Variants in RAPGEF1 observed in about 807,000 individuals in gnomAD.
RAPGEF1 encodes Rap guanine nucleotide exchange factor 1.
A neutral mutation model predicts 143.3 loss-of-function variants in RAPGEF1; 33 were observed. That is an observed-to-expected ratio of 0.23 (90% CI 0.17 to 0.31). RAPGEF1 has a LOEUF of 0.31. Among genes scored for constraint, RAPGEF1 ranks in the 10% least tolerant of loss-of-function variants. The pLI is 1.00. For synonymous variants in RAPGEF1, 629 were observed against 676.5 expected (o/e 0.93, Z 1.09); for missense variants, 1,199 against 1,645.4 (o/e 0.73, Z 4.69).
intron 1 of RAPGEF1, among the ~76,000 whole-genome samples, chr9:131,680,806 C>A (rs577899840): frequency 1.3e-5 from 2 of 152,270 alleles, no homozygotes; most frequent in Admixed American, 1.3e-4. Context: ...CACTTCACAC[C>A]TCTATATTTC....
At chr9:131,737,411 C>T (rs750512966) in intron 1 of RAPGEF1, 69 of 1,613,724 alleles carry the variant, frequency 4.3e-5, no homozygotes, top group Non-Finnish European at 4.9e-5. Context: ...TCACCTGTGT[C>T]CATGGCAGCA....
intron 15 of RAPGEF1, among the ~76,000 whole-genome samples, chr9:131,599,650 C>T (rs888045588): frequency 1.3e-5 from 2 of 151,928 alleles, no homozygotes; most frequent in African/African-American, 2.4e-5. Flanking sequence ...GTGGGACGGC[C>T]GGGGGTGTCC....
At position 131,739,915 on chromosome 9, in the gene RAPGEF1, G is replaced by C. The variant is rs1275276331; in HGVS notation, c.-85C>G. 1.2e-6 allele frequency: 1 copy of C among 800,870 alleles called. No homozygotes were observed. Among genetic ancestry groups the C allele is most frequent in the East Asian group, 1.3e-4 (1 of 7,874 alleles). 49.6% of individuals were successfully genotyped at this position (800,870 alleles called of 1,614,324 possible). ...CCCTGGCTCGCCACGCCTCAGACCCGCGCCGGCATGGCGGGCTCCGCGCGG... is the reference window on the plus strand; with the variant it reads ...CCCTGGCTCGCCACGCCTCAGACCCCCGCCGGCATGGCGGGCTCCGCGCGG... On this transcript the variant is annotated 5_prime_UTR_variant, in exon 1 of 27. Coordinates refer to ENST00000683357, the MANE Select transcript of RAPGEF1 (RefSeq NM_001377935.1).
At chr9:131,715,967 A>C (rs1835836262) in intron 1 of RAPGEF1, among the ~76,000 whole-genome samples, 1 of 152,022 alleles carries the variant, frequency 6.6e-6, no homozygotes, top group South Asian at 2.1e-4. Flanking sequence ...CTTTCACAGG[A>C]GGCTAGAGGC....
At chr9:131,676,019 G>A (rs974127472) in intron 1 of RAPGEF1, among the ~76,000 whole-genome samples, 6 of 151,808 alleles carry the variant, frequency 4.0e-5, no homozygotes, top group African/African-American at 1.5e-4. Context: ...CTTCCACCTT[G>A]GCCTCTCAAA....
intron 17 of RAPGEF1, among the ~76,000 whole-genome samples, chr9:131,595,619 G>A (rs1955126722): frequency 6.6e-6 from 1 of 152,232 alleles, no homozygotes; most frequent in Admixed American, 6.5e-5. Context: ...CCCCTTGAGG[G>A]CAGGCAGTGA....
chr9:131,636,978 C>T (rs909758656), intron 5 of RAPGEF1, among the ~76,000 whole-genome samples: 3 of 152,204 alleles, frequency 2.0e-5, no homozygotes, highest in Non-Finnish European at 4.4e-5. Flanking sequence ...GTAATCCCAA[C>T]ATTTTGGGAG....
intron 13 of RAPGEF1, 137 bp downstream of exon 13, chr9:131,604,794 G>T: frequency 1.7e-6 from 2 of 1,162,786 alleles, no homozygotes; most frequent in Non-Finnish European, 2.2e-6. Context: ...GCAGGTGTGC[G>T]CTGGCAGCCC....
intron 1 of RAPGEF1, among the ~76,000 whole-genome samples, chr9:131,736,531 G>C (rs1837425482): frequency 6.6e-6 from 1 of 152,224 alleles, no homozygotes; most frequent in Non-Finnish European, 1.5e-5. Flanking sequence ...GCCCCAGCCA[G>C]GCACTGCTGC....
Position 131,628,369 on chromosome 9 carries a change from C to T in RAPGEF1, c.1017+180G>A, listed in dbSNP as rs1247019594. 6.6e-6 allele frequency among the ~76,000 whole-genome samples: 1 copy of T among 152,176 alleles called. No individual in the cohort carries two copies. The highest frequency in any genetic ancestry group is 1.5e-5 in the Non-Finnish European group (1 of 68,026). On this transcript the variant is annotated intron_variant, in intron 8 of 26. Coordinates refer to ENST00000683357, the MANE Select transcript of RAPGEF1 (RefSeq NM_001377935.1). This position sits in a 1 kb window ranked among gnomAD's most constrained non-coding sequence, Gnocchi z 5.7. ...TGCCCTCCCTGCCCTGACCCTTATC[C>T]CCATATGGGAACTTGGACCGTGTCC...
chr9:131,720,309 A>G (rs1836172239), intron 1 of RAPGEF1, among the ~76,000 whole-genome samples: 1 of 152,158 alleles, frequency 6.6e-6, no homozygotes, highest in Non-Finnish European at 1.5e-5. Context: ...TTGTTACGTC[A>G]TCATCATCAT....
chr9:131,612,211 T>G (rs1387577585), intron 12 of RAPGEF1, among the ~76,000 whole-genome samples: 1 of 152,182 alleles, frequency 6.6e-6, no homozygotes, highest in Non-Finnish European at 1.5e-5. Context: ...TATAACTTTA[T>G]CTTAAAACTT....
intron 1 of RAPGEF1, among the ~76,000 whole-genome samples, chr9:131,662,120 C>T (rs1272361116): frequency 6.6e-6 from 1 of 152,180 alleles, no homozygotes; most frequent in African/African-American, 2.4e-5. Flanking sequence ...CTTACATCAG[C>T]GGTGGGGCCC....
intron 5 of RAPGEF1, among the ~76,000 whole-genome samples, chr9:131,637,408 T>G (rs990203190): frequency 6.6e-6 from 1 of 152,158 alleles, no homozygotes; most frequent in Non-Finnish European, 1.5e-5. Context: ...CTGGAGCAAT[T>G]TGCAATGCTG....
intron 1 of RAPGEF1, among the ~76,000 whole-genome samples, chr9:131,670,872 C>T (rs1831272587): frequency 6.6e-6 from 1 of 152,202 alleles, no homozygotes. Flanking sequence ...GTCAGAAAGT[C>T]CTCCCTTTCT....
rs528100403 is a variant in RAPGEF1 at position 131,598,181 on chromosome 9, A to G, written c.2613+18T>C. 6.8e-6 allele frequency: 11 copies of G among 1,607,520 alleles called. No individual in the cohort carries two copies. The highest frequency in any genetic ancestry group is 6.6e-5 in the South Asian group (6 of 90,754). On this transcript the variant is annotated intron_variant, in intron 16 of 26. Coordinates refer to ENST00000683357, the MANE Select transcript of RAPGEF1 (RefSeq NM_001377935.1). ...CTGTGGGGCCAGGCTGCAAAGCCCC[A>G]GCCCGGGAAGTTCTCACCTCCTGCT...
chr9:131,659,638 T>C (rs1180836833), intron 1 of RAPGEF1, among the ~76,000 whole-genome samples: 1 of 152,096 alleles, frequency 6.6e-6, no homozygotes, highest in Admixed American at 6.5e-5. Flanking sequence ...CTCAGGTAAT[T>C]GTGGAGATTA....
intron 25 of RAPGEF1, among the ~76,000 whole-genome samples, chr9:131,581,295 G>C (rs1334698917): frequency 6.6e-6 from 1 of 152,114 alleles, no homozygotes; most frequent in Non-Finnish European, 1.5e-5. Flanking sequence ...TAAGGAGACC[G>C]ATGTGGGAGG....
At chr9:131,674,488 G>T (rs1195089710) in intron 1 of RAPGEF1, among the ~76,000 whole-genome samples, 3 of 152,076 alleles carry the variant, frequency 2.0e-5, no homozygotes, top group Non-Finnish European at 2.9e-5. Flanking sequence ...TCCCCAAGGC[G>T]TGAGAAGCCA....
Sources: allele counts gnomAD v4.1 joint callset (sites outside exome capture counted in the v4.1 genomes callset), GRCh38; gene constraint gnomAD v4.1.1; non-coding constraint Gnocchi (gnomAD v3.1); transcripts MANE v1.5; gene names NCBI Gene and HGNC (gene_info 2026-07-23, HGNC 2026-07-21).